Variants in SRBD1 observed in about 807,000 individuals in gnomAD.
SRBD1 encodes S1 RNA binding domain 1.
In SRBD1, 88 loss-of-function variants were observed where a neutral mutation model predicts 115.3. The ratio of observed to expected loss-of-function variants is 0.76; its 90% CI spans 0.64 to 0.91. The LOEUF is 0.91. Ranked by LOEUF, SRBD1 falls within the 40% of genes least tolerant of loss-of-function variation. The probability of loss-of-function intolerance (pLI) is 0.00; values close to 1 mark genes in which losing one functional copy is unlikely to be tolerated. For missense variants in SRBD1, 1,385 were observed against 1,177.4 expected (o/e 1.18, Z -2.58); for synonymous variants, 509 against 407.7 (o/e 1.25, Z -2.99).
At chr2:45,466,190 T>A (rs886151545) in intron 16 of SRBD1, among the ~76,000 whole-genome samples, 32 of 152,112 alleles carry the variant, frequency 2.1e-4, no homozygotes, top group African/African-American at 7.5e-4. Flanking sequence ...TAGCAGGGAG[T>A]AGGTTCCTGC....
intron 14 of SRBD1, among the ~76,000 whole-genome samples, chr2:45,520,193 A>G (rs1671239396): frequency 6.6e-6 from 1 of 152,268 alleles, no homozygotes; most frequent in Non-Finnish European, 1.5e-5. Context: ...GCACAAAAAC[A>G]GCAGCAGGGT....
At chr2:45,457,478 T>C (rs948647297) in intron 16 of SRBD1, among the ~76,000 whole-genome samples, 1 of 151,992 alleles carries the variant, frequency 6.6e-6, no homozygotes, top group African/African-American at 2.4e-5. Flanking sequence ...TCACCTTTTA[T>C]ATGCCACCAC....
At position 45,496,296 on chromosome 2, in the gene SRBD1, C is replaced by G. The variant is rs150558772; in HGVS notation, c.1875-7965G>C. Reference sequence around the variant, plus strand: ...ATAAAACATATTGCAAATTATTCTACTCCATCATTATCTAATAACGTAAGA... The same window carrying G: ...ATAAAACATATTGCAAATTATTCTAGTCCATCATTATCTAATAACGTAAGA... On this transcript the variant is annotated intron_variant, in intron 14 of 20. Transcript: ENST00000263736. 2.5e-3 allele frequency among the ~76,000 whole-genome samples: 374 copies of G among 152,100 alleles called. 4 individuals carry two copies. The highest frequency in any genetic ancestry group is 8.5e-3 in the African/African-American group (354 of 41,512).
chr2:45,543,896 T>C (rs1472981942), intron 14 of SRBD1, among the ~76,000 whole-genome samples: 1 of 152,104 alleles, frequency 6.6e-6, no homozygotes, highest in East Asian at 1.9e-4. Flanking sequence ...CAAATAATTA[T>C]AGCAGAAAGG....
At chr2:45,481,137 T>C (rs1296399473) in intron 15 of SRBD1, among the ~76,000 whole-genome samples, 2 of 152,192 alleles carry the variant, frequency 1.3e-5, no homozygotes, top group African/African-American at 4.8e-5. Context: ...GATGTGTACA[T>C]ATTTTTTGAG....
At chr2:45,517,150 C>T (rs1405915803) in intron 14 of SRBD1, among the ~76,000 whole-genome samples, 1 of 152,080 alleles carries the variant, frequency 6.6e-6, no homozygotes, top group African/African-American at 2.4e-5. Context: ...ACCATATAAT[C>T]ATCATAATTA....
intron 10 of SRBD1, among the ~76,000 whole-genome samples, chr2:45,555,979 G>A (rs1368556451): frequency 6.6e-6 from 1 of 152,074 alleles, no homozygotes; most frequent in Non-Finnish European, 1.5e-5. Flanking sequence ...ATTACCTTAA[G>A]GGTACTCTCA....
chr2:45,575,994 G>A (rs187753724), intron 7 of SRBD1, among the ~76,000 whole-genome samples: 1 of 152,140 alleles, frequency 6.6e-6, no homozygotes, highest in Admixed American at 6.5e-5. Flanking sequence ...GTGAGCCACT[G>A]CACCAGTCTG....
chr2:45,599,182 C>A (rs536078766), intron 4 of SRBD1, among the ~76,000 whole-genome samples: 6 of 152,258 alleles, frequency 3.9e-5, no homozygotes, highest in African/African-American at 1.2e-4. Flanking sequence ...CCAGTTGGTA[C>A]AATCTGTCTA....
chr2:45,563,742 C>T (rs971261905), intron 9 of SRBD1, among the ~76,000 whole-genome samples: 7 of 151,832 alleles, frequency 4.6e-5, no homozygotes, highest in Non-Finnish European at 1.0e-4. Context: ...CTACCAAAAA[C>T]AAACCAAAAA....
At chr2:45,600,247 T>A (rs1276260853) in intron 3 of SRBD1, among the ~76,000 whole-genome samples, 2 of 152,132 alleles carry the variant, frequency 1.3e-5, no homozygotes, top group Non-Finnish European at 2.9e-5. Context: ...ATAAGATCAG[T>A]GGATTTTATC....
chr2:45,595,654 A>T (rs1673871463), intron 4 of SRBD1, among the ~76,000 whole-genome samples: 1 of 152,242 alleles, frequency 6.6e-6, no homozygotes, highest in Non-Finnish European at 1.5e-5. Context: ...AGACAAAATT[A>T]CTTTCTCTCT....
chr2:45,485,235 T>C (rs1435262643), intron 15 of SRBD1, among the ~76,000 whole-genome samples: 1 of 152,230 alleles, frequency 6.6e-6, no homozygotes, highest in Non-Finnish European at 1.5e-5. Context: ...TTCCTGAACC[T>C]ATAGGGGTTT....
chr2:45,460,861 T>C (rs984660974), intron 16 of SRBD1, among the ~76,000 whole-genome samples: 10 of 152,176 alleles, frequency 6.6e-5, no homozygotes, highest in African/African-American at 2.2e-4. Context: ...TACAATCCAA[T>C]TTTAAAATGA....
intron 4 of SRBD1, among the ~76,000 whole-genome samples, chr2:45,599,159 T>G (rs148477948): frequency 3.3e-5 from 5 of 152,298 alleles, no homozygotes; most frequent in Admixed American, 6.5e-5. Flanking sequence ...ACAATGAACC[T>G]GTGGGGGCCC....
intron 14 of SRBD1, among the ~76,000 whole-genome samples, chr2:45,514,596 T>C (rs1362048546): frequency 1.3e-5 from 2 of 152,122 alleles, no homozygotes; most frequent in Non-Finnish European, 2.9e-5. Flanking sequence ...ACATAATACA[T>C]GGCTAGAATG....
At chr2:45,578,620 T>C (rs548136083) in intron 7 of SRBD1, among the ~76,000 whole-genome samples, 1 of 152,280 alleles carries the variant, frequency 6.6e-6, no homozygotes, top group Non-Finnish European at 1.5e-5. Context: ...GTGGATTTTG[T>C]TATCAGAGAC....
At chr2:45,609,275 A>T (rs889660900) in intron 1 of SRBD1, among the ~76,000 whole-genome samples, 3 of 152,194 alleles carry the variant, frequency 2.0e-5, no homozygotes, top group Non-Finnish European at 4.4e-5. Flanking sequence ...AAATGTTACA[A>T]ATCTTTTTTT....
rs577136286 is a variant in SRBD1 at position 45,563,464 on chromosome 2, G to A, written c.1306-708C>T. Among the ~76,000 whole-genome samples, 3 of 150,842 alleles carry A rather than the reference G, an allele frequency of 2.0e-5. No individual in the cohort carries two copies. The South Asian group carries it at 6.4e-4, about 32-fold the overall frequency. ...AGCAGAAGAAAATAATAAATAATAG[G>A]GTAAAAATAAAATAGAGAATAGAAA... On this transcript the variant is annotated intron_variant, in intron 9 of 20. Coordinates refer to ENST00000263736, the MANE Select transcript of SRBD1 (RefSeq NM_018079.5).
Sources: gnomAD v4.1 joint callset for allele counts (sites outside exome capture counted in the v4.1 genomes callset) on GRCh38, gnomAD v4.1.1 for gene constraint, MANE v1.5 for transcripts, NCBI Gene and HGNC (gene_info 2026-07-23, HGNC 2026-07-21) for gene names.